The following CHD3 variants were observed in gnomAD, a reference collection of about 807,000 sequenced individuals.
The protein encoded by CHD3 is ATP-dependent chromatin remodeler CHD3.
In CHD3, 52 loss-of-function variants were observed where a neutral mutation model predicts 248.9. The ratio of observed to expected loss-of-function variants is 0.21; its 90% CI spans 0.17 to 0.26. The LOEUF (loss-of-function observed/expected upper bound fraction) is 0.26, where lower values mean the gene tolerates loss of function less well. Among genes scored for constraint, CHD3 ranks in the 10% least tolerant of loss-of-function variants. The probability of loss-of-function intolerance (pLI) is 1.00; values close to 1 mark genes in which losing one functional copy is unlikely to be tolerated. For missense variants in CHD3, 1,482 were observed against 2,605.8 expected, an observed-to-expected ratio of 0.57 and a Z score of 9.39; for synonymous variants, 985 against 985.2, an observed-to-expected ratio of 1.00 and a Z score of 0.00.
At position 7,895,985 on chromosome 17, in the gene CHD3, G is replaced by A. The variant is rs1969586332; in HGVS notation, c.1707+443G>A. ...TCACGCCTGTAATCCCAGTACTTTG[G>A]GAGGCCGAGGTGGGCGGATCACCTG... is the stretch of plus-strand genomic sequence containing the variant. On this transcript the variant is annotated intron_variant, in intron 10 of 39. Transcript: ENST00000330494. The surrounding 1 kb of genome is among the most constrained non-coding windows in gnomAD (Gnocchi z 4.9). Among the ~76,000 whole-genome samples, 1 of 152,020 alleles carries A rather than the reference G, an allele frequency of 6.6e-6. No individual in the cohort carries two copies. Among genetic ancestry groups the A allele is most frequent in the African/African-American group, 2.4e-5 (1 of 41,400 alleles).
Position 7,893,415 on chromosome 17 carries a change from GGCAGCAGCA to G in CHD3, c.648_656del (p.Ala217_Ala219del). Reference sequence around the variant, plus strand: ...CAGCAGCTGCTGTGGCGGCGGCAGCGGCAGCAGCAGCAGCAGCTGTAGCTGAGCAGGTGT... The same window carrying G: ...CAGCAGCTGCTGTGGCGGCGGCAGCGGCAGCAGCTGTAGCTGAGCAGGTGT... On this transcript the variant is annotated inframe_deletion, in exon 5 of 40. Transcript: ENST00000330494. 1 of 1,610,572 alleles carries G rather than the reference GGCAGCAGCA, an allele frequency of 6.2e-7. No homozygotes were observed. The highest frequency in any genetic ancestry group is 8.5e-7 in the Non-Finnish European group (1 of 1,178,160).
Position 7,907,038 on chromosome 17 carries a change from A to T in CHD3, c.4666+7A>T, listed in dbSNP as rs750559708. On this transcript the variant is annotated splice_region_variant and intron_variant, in intron 30 of 39. Coordinates refer to ENST00000330494, the MANE Select transcript of CHD3 (RefSeq NM_001005273.3). The surrounding 1 kb of genome is among the most constrained non-coding windows in gnomAD (Gnocchi z 4.3). ...CCCTGCACCTCTAAACCTGGTAATC[A>T]GAAGTCAGGATGGTGGGAGAGACAG... is the stretch of plus-strand genomic sequence containing the variant. 5.0e-6 allele frequency: 8 copies of T among 1,614,006 alleles called. No homozygotes were observed. The African/African-American group carries it at 8.0e-5, about 16-fold the overall frequency.
At chr17:7,892,274 A>G (rs1383074966) in intron 4 of CHD3, among the ~76,000 whole-genome samples, 2 of 151,912 alleles carry the variant, frequency 1.3e-5, no homozygotes, top group Admixed American at 6.6e-5. Context: ...ACTCTTTCAC[A>G]CTCCGTCCTA....
In CHD3 at chr17:7,912,627, C is replaced by G. The variant is rs1047866621; in HGVS notation, c.*1042C>G. 1.3e-5 allele frequency: 2 copies of G among 152,296 alleles called. No homozygotes were observed. The highest frequency in any genetic ancestry group is 2.9e-5 in the Non-Finnish European group (2 of 68,124). 9.4% of individuals were successfully genotyped at this position (152,296 alleles called of 1,614,324 possible). A position where few individuals can be genotyped will look rare whatever the true frequency, so the allele number is the denominator to read the frequency against. The stretch of plus-strand genomic sequence containing the variant: ...GTTTGCATGGCGAACCCCCCACTTC[C>G]TCTTTGCTGCCCCTTCACTTTCTTG... On this transcript the variant is annotated 3_prime_UTR_variant, in exon 40 of 40. Transcript: ENST00000330494.
Position 7,889,533 on chromosome 17 carries a change from G to C in CHD3, c.101-131G>C. On this transcript the variant is annotated intron_variant, in intron 1 of 39. Transcript: ENST00000330494. This position sits in a 1 kb window ranked among gnomAD's most constrained non-coding sequence, Gnocchi z 4.5. ...CACTTTCTGTTTGCATCCAGTGAAG[G>C]GAGGCAGGGCTTGGAGGAGTTAATG... The C allele has an allele frequency of 4.2e-6, 3 of 708,120 alleles. No individual in the cohort carries two copies. In the South Asian group the frequency reaches 5.5e-5, roughly 13 times the overall value. 43.9% of individuals were successfully genotyped at this position (708,120 alleles called of 1,614,324 possible). A position where few individuals can be genotyped will look rare whatever the true frequency, so the allele number is the denominator to read the frequency against.
At chr17:7,885,641 C>T (rs1255476706), upstream of CHD3, among the ~76,000 whole-genome samples, 1 of 151,990 alleles carries the variant, frequency 6.6e-6, no homozygotes, top group Non-Finnish European at 1.5e-5. Flanking sequence ...GGTTTCCCCG[C>T]ACGGAGCAGC....
chr17:7,899,832 GT>G lies in CHD3; in HGVS notation c.2545-62del. ...AGCCACAGTCAGGACAAGGTGTCTG[GT>G]TCTGGAGGTGTAGGTGCATGGTTGT... On this transcript the variant is annotated intron_variant, in intron 15 of 39. Coordinates refer to ENST00000330494, the MANE Select transcript of CHD3 (RefSeq NM_001005273.3). This position sits in a 1 kb window ranked among gnomAD's most constrained non-coding sequence, Gnocchi z 6.8. The G allele has an allele frequency of 6.3e-7, 1 of 1,583,670 alleles. No individual in the cohort carries two copies. Among genetic ancestry groups the G allele is most frequent in the South Asian group, 1.1e-5 (1 of 87,886 alleles).
upstream of CHD3, chr17:7,885,152 G>T: frequency 1.0e-6 from 1 of 982,212 alleles, no homozygotes; most frequent in Non-Finnish European, 1.2e-6. Flanking sequence ...CCGGGCGGGG[G>T]CGAGGCACCC....
chr17:7,893,422 G>A lies in CHD3; in HGVS notation c.646G>A (p.Ala216Thr), dbSNP rs780509597. Reference sequence around the variant, plus strand: ...TGCTGTGGCGGCGGCAGCGGCAGCAGCAGCAGCAGCTGTAGCTGAGCAGGT... The same window carrying A: ...TGCTGTGGCGGCGGCAGCGGCAGCAACAGCAGCAGCTGTAGCTGAGCAGGT... ...AAAVAAAAAA[A>T]AAAVAEQVSA... Residue 216 changes from alanine (A) to threonine (T), a missense_variant, in exon 5 of 40, where the codon GCA becomes ACA. By Grantham distance (58) the Ala-to-Thr change is moderately conservative (BLOSUM62 0). Transcript: ENST00000330494. 1 of 1,611,922 alleles carries A rather than the reference G, an allele frequency of 6.2e-7. No homozygotes were observed. The highest frequency in any genetic ancestry group is 8.5e-7 in the Non-Finnish European group (1 of 1,179,070).
chr17:7,907,389 C>G lies in CHD3; in HGVS notation c.4825C>G (p.Arg1609Gly), dbSNP rs774463931. The stretch of plus-strand genomic sequence containing the variant: ...CAGCCCAGCCCCATCACTTGGGGAG[C>G]GGCTGGAGCCAAGGAAGATTCCTCT... ...APSPAPSLGERLEPRKIPLED... is the reference protein window; with the variant it reads ...APSPAPSLGEGLEPRKIPLED... Residue 1609 changes from arginine (R) to glycine (G), a missense_variant, in exon 32 of 40, where the codon CGG becomes GGG. By Grantham distance (125) the Arg-to-Gly change is moderately radical. Coordinates refer to ENST00000330494, the MANE Select transcript of CHD3 (RefSeq NM_001005273.3). The surrounding 1 kb of genome is among the most constrained non-coding windows in gnomAD (Gnocchi z 4.3). The G allele has an allele frequency of 1.9e-6, 3 of 1,607,840 alleles. No homozygotes were observed. Among genetic ancestry groups the G allele is most frequent in the African/African-American group, 2.7e-5 (2 of 74,786 alleles).
In CHD3 at chr17:7,903,814, C is replaced by T. The variant is rs765420961; in HGVS notation, c.3728-11C>T. On this transcript the variant is annotated splice_polypyrimidine_tract_variant and intron_variant, in intron 23 of 39. Coordinates refer to ENST00000330494, the MANE Select transcript of CHD3 (RefSeq NM_001005273.3). The surrounding 1 kb of genome is among the most constrained non-coding windows in gnomAD (Gnocchi z 6.8). ...GAACCCAAAGTTCCCGTTTGTTTTC[C>T]CTCTCACCAGGGGAGAACAAGGAGG... 3 of 1,612,786 alleles carry T rather than the reference C, an allele frequency of 1.9e-6. No individual in the cohort carries two copies. Among genetic ancestry groups the T allele is most frequent in the African/African-American group, 2.7e-5 (2 of 74,888 alleles).
At chr17:7,898,866 A>G in intron 13 of CHD3, 145 bp from the exon 14 acceptor site, 1 of 757,808 alleles carries the variant, frequency 1.3e-6, no homozygotes, top group Non-Finnish European at 2.2e-6. Flanking sequence ...GAGGGGCTGA[A>G]GACTAGATGT....
rs149185282 is a variant in CHD3 at position 7,907,912 on chromosome 17, G to T, written c.5045G>T (p.Arg1682Leu). The T allele has an allele frequency of 1.8e-5, 29 of 1,612,238 alleles. No individual in the cohort carries two copies. The highest frequency in any genetic ancestry group is 2.4e-5 in the Non-Finnish European group (28 of 1,178,844). Reference sequence around the variant, plus strand: ...CTAGCAGAAGATGTAAAAGGTGACCGGGAGCTTCGACCAGGGCCTCGAGAT... The same window carrying T: ...CTAGCAGAAGATGTAAAAGGTGACCTGGAGCTTCGACCAGGGCCTCGAGAT... The part of the protein sequence containing the change: ...LGKREDVKGD[R>L]ELRPGPRDEP... Residue 1682 changes from arginine (R) to leucine (L), a missense_variant, in exon 34 of 40, where the codon CGG (arginine) becomes CTG (leucine). Around this residue, in one of 20 missense-constraint regions of CHD3, gnomAD observed 254 missense variants for 266.7 expected, o/e 0.95. Transcript: ENST00000330494. The surrounding 1 kb of genome is among the most constrained non-coding windows in gnomAD (Gnocchi z 4.3).
chr17:7,899,402 G>A lies in CHD3; in HGVS notation c.2403G>A (p.Glu801=), dbSNP rs763537744. ...SAPLSTIINW[E]REFQMWAPKF... ...CACTCTCTACCATCATTAACTGGGA[G>A]CGGGAGTTCCAGATGTGGGCACCCA... The change falls in exon 15 of 40, where the codon GAG becomes GAA. Residue 801 remains glutamate (E), a synonymous_variant. Coordinates refer to ENST00000330494, the MANE Select transcript of CHD3 (RefSeq NM_001005273.3). This position sits in a 1 kb window ranked among gnomAD's most constrained non-coding sequence, Gnocchi z 6.8. 2 of 1,614,156 alleles carry A rather than the reference G, an allele frequency of 1.2e-6. No individual in the cohort carries two copies. The highest frequency in any genetic ancestry group is 4.5e-5 in the East Asian group (2 of 44,884).
At chr17:7,887,658 A>G (rs1968173972), upstream of CHD3, among the ~76,000 whole-genome samples, 1 of 151,562 alleles carries the variant, frequency 6.6e-6, no homozygotes, top group Admixed American at 6.6e-5. Context: ...TGGTGAGATT[A>G]GAAGAAGAGA....
chr17:7,894,692 C>T (rs369143986), intron 8 of CHD3, 84 bp downstream of exon 8: 12 of 1,450,186 alleles, frequency 8.3e-6, no homozygotes, highest in Non-Finnish European at 1.0e-5. Flanking sequence ...CTCTTCCTGC[C>T]CCCAGATGGC....
chr17:7,906,603 G>T lies in CHD3; in HGVS notation c.4409G>T (p.Gly1470Val). 6.2e-7 allele frequency: 1 copy of T among 1,613,982 alleles called. No individual in the cohort carries two copies. The highest frequency in any genetic ancestry group is 8.5e-7 in the Non-Finnish European group (1 of 1,179,964). ...CATCTGTGTGAGCCTGGGGCAGACG[G>T]CTCTGAAACCTTTGCCGATGGGGTC... The part of the protein sequence containing the change: ...MRHLCEPGAD[G>V]SETFADGVPR... The change falls in exon 29 of 40, where the codon GGC becomes GTC. Residue 1470 changes from glycine to valine, a missense_variant. Physicochemically the swap from Gly to Val is moderately radical, Grantham distance 109. This residue lies in a region of CHD3 where 156 missense variants were observed against 420.3 expected (regional missense o/e 0.37). Transcript: ENST00000330494. The surrounding 1 kb of genome is among the most constrained non-coding windows in gnomAD (Gnocchi z 5.0).
In CHD3 at chr17:7,907,313, G is replaced by A; in HGVS notation, c.4789-40G>A. On this transcript the variant is annotated intron_variant, in intron 31 of 39. Transcript: ENST00000330494. This position sits in a 1 kb window ranked among gnomAD's most constrained non-coding sequence, Gnocchi z 4.3. ...GGGGGCTTGGAGGCCAGGTACCTGG[G>A]AGCCCTCTGGCTCATCCTGACCCCA... 1 of 1,611,972 alleles carries A rather than the reference G, an allele frequency of 6.2e-7. No homozygotes were observed. The highest frequency in any genetic ancestry group is 8.5e-7 in the Non-Finnish European group (1 of 1,178,830).
rs765578621 is a variant in CHD3 at position 7,890,653 on chromosome 17, C to T, written c.296C>T (p.Pro99Leu). Residue 99 changes from proline (P) to leucine (L), a missense_variant, in exon 3 of 40, where the codon CCG (proline) becomes CTG (leucine). Around this residue, in one of 20 missense-constraint regions of CHD3, gnomAD observed 169 missense variants for 168.1 expected, o/e 1.01. Coordinates refer to ENST00000330494, the MANE Select transcript of CHD3 (RefSeq NM_001005273.3). ...ESGGSEYGTG[P>L]GRKRRRKHRE... ...GGGGGCAGTGAATATGGAACCGGAC[C>T]GGGTCGGAAACGAAGAAGGAAGCAC... 5.4e-5 allele frequency: 87 copies of T among 1,603,744 alleles called. No individual in the cohort carries two copies. Among genetic ancestry groups the T allele is most frequent in the Middle Eastern group, 1.7e-4 (1 of 6,046 alleles).
Sources: gnomAD v4.1 joint callset for allele counts (sites outside exome capture counted in the v4.1 genomes callset) on GRCh38, gnomAD v4.1.1 for gene constraint, gnomAD v4.1.1 regional missense constraint, Gnocchi (gnomAD v3.1) non-coding constraint, MANE v1.5 for transcripts, NCBI Gene and HGNC (gene_info 2026-07-23, HGNC 2026-07-21) for gene names.